The following DLG2 variants were observed in gnomAD, a reference collection of about 807,000 sequenced individuals.
The protein encoded by DLG2 is disks large homolog 2.
In DLG2, 45 loss-of-function variants were observed where a neutral mutation model predicts 132.5. The observed-to-expected ratio is 0.34, with a 90% CI of 0.27 to 0.44. DLG2 has a LOEUF of 0.44. Among genes scored for constraint, DLG2 ranks in the 20% least tolerant of loss-of-function variants. The probability of loss-of-function intolerance (pLI) is 1.00; values close to 1 mark genes in which losing one functional copy is unlikely to be tolerated. For missense variants in DLG2, 1,045 were observed against 1,196.9 expected (o/e 0.87, Z 1.87); for synonymous variants, 424 against 419.6 (o/e 1.01, Z -0.13).
intron 3 of DLG2, among the ~76,000 whole-genome samples, chr11:85,461,128 T>C (rs575923297): frequency 1.3e-4 from 20 of 152,340 alleles, no homozygotes; most frequent in African/African-American, 4.8e-4. Flanking sequence ...ACGGAAGTTA[T>C]ACACACCAGG....
intron 3 of DLG2, among the ~76,000 whole-genome samples, chr11:85,330,764 A>T (rs2152838648): frequency 7.8e-6 from 1 of 128,160 alleles, no homozygotes; most frequent in Non-Finnish European, 1.6e-5. Flanking sequence ...GTACCCTAAA[A>T]CTTAGAGTAT....
At chr11:83,600,378 G>T (rs144600580) in intron 19 of DLG2, among the ~76,000 whole-genome samples, 124 of 152,170 alleles carry the variant, frequency 8.1e-4, no homozygotes, top group Middle Eastern at 3.4e-3. Flanking sequence ...TTTCTCTTGA[G>T]AAATTTTATA....
intron 3 of DLG2, among the ~76,000 whole-genome samples, chr11:85,410,205 C>G (rs2152978305): frequency 6.6e-6 from 1 of 151,826 alleles, no homozygotes; most frequent in East Asian, 1.9e-4. Context: ...CTTTTTCTCT[C>G]CCATTATGAG....
intron 7 of DLG2, among the ~76,000 whole-genome samples, chr11:84,470,537 A>G (rs2099105823): frequency 6.6e-6 from 1 of 151,770 alleles, no homozygotes; most frequent in Non-Finnish European, 1.5e-5. Context: ...GAAGACTTCA[A>G]TAAATATATA....
chr11:84,083,963 A>G (rs2096938205), intron 10 of DLG2, among the ~76,000 whole-genome samples: 1 of 152,164 alleles, frequency 6.6e-6, no homozygotes, highest in African/African-American at 2.4e-5. Flanking sequence ...GATCCCAGAG[A>G]GGCTTTACTC....
intron 11 of DLG2, among the ~76,000 whole-genome samples, chr11:83,987,255 A>C (rs1456354963): frequency 1.3e-5 from 2 of 152,116 alleles, no homozygotes; most frequent in Non-Finnish European, 2.9e-5. Context: ...CAATATTGTG[A>C]AAATGGCCAT....
At chr11:83,939,197 C>T (rs1400854695) in intron 14 of DLG2, among the ~76,000 whole-genome samples, 2 of 152,168 alleles carry the variant, frequency 1.3e-5, no homozygotes, top group Non-Finnish European at 2.9e-5. Flanking sequence ...TACTTGTTAG[C>T]CTCTGGATTG....
intron 6 of DLG2, among the ~76,000 whole-genome samples, chr11:84,860,542 C>T (rs1454515994): frequency 2.0e-5 from 3 of 152,070 alleles, no homozygotes; most frequent in African/African-American, 7.2e-5. Flanking sequence ...TTCCTTTCCA[C>T]CTCCTGTCAA....
chr11:84,065,378 A>G (rs911642786), intron 10 of DLG2, among the ~76,000 whole-genome samples: 1 of 152,184 alleles, frequency 6.6e-6, no homozygotes, highest in African/African-American at 2.4e-5. Context: ...AGGAAAAACC[A>G]AATAACACCA....
chr11:84,802,415 C>T (rs2075507822), intron 6 of DLG2, among the ~76,000 whole-genome samples: 1 of 152,006 alleles, frequency 6.6e-6, no homozygotes, highest in Non-Finnish European at 1.5e-5. Flanking sequence ...TTTACTATCC[C>T]TAAGGATTAG....
intron 4 of DLG2, among the ~76,000 whole-genome samples, chr11:85,174,258 A>G (rs1172385999): frequency 6.6e-6 from 1 of 152,112 alleles, no homozygotes; most frequent in Non-Finnish European, 1.5e-5. Context: ...GAGGCGAAAT[A>G]ATAACAAACA....
At chr11:85,120,814 G>A (rs2074218619) in intron 5 of DLG2, among the ~76,000 whole-genome samples, 1 of 151,954 alleles carries the variant, frequency 6.6e-6, no homozygotes, top group African/African-American at 2.4e-5. Flanking sequence ...ATAATTAAAT[G>A]GTCTTCGAGG....
At chr11:84,855,702 A>G (rs778221160) in intron 6 of DLG2, among the ~76,000 whole-genome samples, 7 of 152,042 alleles carry the variant, frequency 4.6e-5, no homozygotes, top group African/African-American at 9.7e-5. Flanking sequence ...ATCCTCAATT[A>G]CTGTAGCTTC....
intron 5 of DLG2, among the ~76,000 whole-genome samples, chr11:85,140,235 A>G (rs976290861): frequency 6.6e-6 from 1 of 151,960 alleles, no homozygotes; most frequent in African/African-American, 2.4e-5. Context: ...AGGGACCTCC[A>G]TACTGTTTTC....
intron 4 of DLG2, among the ~76,000 whole-genome samples, chr11:85,200,484 T>C (rs1162299029): frequency 6.6e-6 from 1 of 152,162 alleles, no homozygotes; most frequent in Non-Finnish European, 1.5e-5. Context: ...AGACTATCAC[T>C]AACCTCCATC....
intron 19 of DLG2, among the ~76,000 whole-genome samples, chr11:83,602,142 T>C (rs1462156633): frequency 6.6e-6 from 1 of 152,254 alleles, no homozygotes; most frequent in Non-Finnish European, 1.5e-5. Flanking sequence ...ATATCACTTC[T>C]GGAAATGAGC....
chr11:85,371,507 G>A (rs1392408826), intron 3 of DLG2, among the ~76,000 whole-genome samples: 1 of 152,076 alleles, frequency 6.6e-6, no homozygotes, highest in Non-Finnish European at 1.5e-5. Flanking sequence ...TTTTTCTTTT[G>A]CAACAGGACA....
At chr11:84,511,406 T>C (rs984964577) in intron 7 of DLG2, among the ~76,000 whole-genome samples, 4 of 152,292 alleles carry the variant, frequency 2.6e-5, no homozygotes, top group African/African-American at 9.6e-5. Context: ...GGACCACAAA[T>C]TGAATGAATA....
At chr11:83,618,941 T>A (rs1160642059) in intron 19 of DLG2, among the ~76,000 whole-genome samples, 4 of 152,172 alleles carry the variant, frequency 2.6e-5, no homozygotes, top group African/African-American at 7.2e-5. Context: ...TCCTCTGTTT[T>A]TTTGCAACTA....
Sources: gnomAD v4.1 joint callset for allele counts (sites outside exome capture counted in the v4.1 genomes callset) on GRCh38, gnomAD v4.1.1 for gene constraint, MANE v1.5 for transcripts, NCBI Gene and HGNC (gene_info 2026-07-23, HGNC 2026-07-21) for gene names.